NKAIN2: variants seen among roughly 807,000 people sequenced by gnomAD.
NKAIN2 encodes the protein sodium/potassium-transporting ATPase subunit beta-1-interacting protein 2.
NKAIN2 carries 14 observed loss-of-function variants against 32.6 expected under a neutral mutation model. The observed-to-expected ratio is 0.43, with a 90% CI of 0.28 to 0.67. The LOEUF is 0.67. Ranked by LOEUF, NKAIN2 falls within the 30% of genes least tolerant of loss-of-function variation. The probability of loss-of-function intolerance (pLI) is 0.17; values close to 1 mark genes in which losing one functional copy is unlikely to be tolerated. For missense variants in NKAIN2, 198 were observed against 258.3 expected (o/e 0.77, Z 1.60); for synonymous variants, 80 against 87.2 (o/e 0.92, Z 0.46).
chr6:124,595,373 C>T (rs1466639382), intron 3 of NKAIN2, among the ~76,000 whole-genome samples: 3 of 152,190 alleles, frequency 2.0e-5, no homozygotes, highest in African/African-American at 7.2e-5. Context: ...GCCATTTTCA[C>T]AGACCCTGCC....
chr6:124,621,034 C>A (rs1783087096), intron 3 of NKAIN2, among the ~76,000 whole-genome samples: 1 of 152,156 alleles, frequency 6.6e-6, no homozygotes, highest in African/African-American at 2.4e-5. Flanking sequence ...CAGTGATTCT[C>A]AGCTTTGGCT....
At chr6:124,331,345 C>CAAAAAAAAAAAAAAAAAAAAAAAAAAA (rs1162529828) in intron 2 of NKAIN2, among the ~76,000 whole-genome samples, 2 of 20,816 alleles carry the variant, frequency 9.6e-5, no homozygotes, top group African/African-American at 1.8e-4. Flanking sequence ...ACTAAATATA[C>CAAAAAAAAAAAAAAAAAAAAAAAAAAA]AAAAAAAAAA....
chr6:124,006,906 A>G (rs185490767), intron 1 of NKAIN2, among the ~76,000 whole-genome samples: 6 of 152,344 alleles, frequency 3.9e-5, no homozygotes, highest in African/African-American at 1.4e-4. Flanking sequence ...AATGCTGTGA[A>G]TGAAATAGCT....
At chr6:124,302,713 G>A (rs778491578) in intron 2 of NKAIN2, among the ~76,000 whole-genome samples, 1 of 151,824 alleles carries the variant, frequency 6.6e-6, no homozygotes, top group Non-Finnish European at 1.5e-5. Context: ...ATCTTCAAAG[G>A]GTTCACACAA....
chr6:123,950,303 A>T (rs1777266933), intron 1 of NKAIN2, among the ~76,000 whole-genome samples: 2 of 151,810 alleles, frequency 1.3e-5, no homozygotes, highest in Non-Finnish European at 2.9e-5. Context: ...TACCACAGTA[A>T]AACTGGCCTC....
At chr6:124,064,348 A>G (rs971506993) in intron 1 of NKAIN2, among the ~76,000 whole-genome samples, 2 of 152,198 alleles carry the variant, frequency 1.3e-5, no homozygotes, top group Non-Finnish European at 2.9e-5. Flanking sequence ...AAAATGTGAA[A>G]TTTTGTTTTG....
intron 1 of NKAIN2, among the ~76,000 whole-genome samples, chr6:124,225,617 A>G (rs2114713111): frequency 6.6e-6 from 1 of 152,154 alleles, no homozygotes; most frequent in South Asian, 2.1e-4. Context: ...GAGTCATAAT[A>G]TTGTGTTCAA....
intron 4 of NKAIN2, among the ~76,000 whole-genome samples, chr6:124,766,409 C>T (rs914649005): frequency 6.6e-6 from 1 of 152,280 alleles, no homozygotes; most frequent in East Asian, 1.9e-4. Context: ...CACAGACATA[C>T]CAACTTCCTC....
chr6:123,882,174 A>G (rs1773485549), intron 1 of NKAIN2, among the ~76,000 whole-genome samples: 3 of 152,090 alleles, frequency 2.0e-5, no homozygotes, highest in East Asian at 1.9e-4. Context: ...TTTTTGCACA[A>G]TAAAATATAT....
chr6:124,657,901 C>A (rs1784596926), intron 3 of NKAIN2, among the ~76,000 whole-genome samples: 2 of 151,966 alleles, frequency 1.3e-5, no homozygotes, highest in Admixed American at 1.3e-4. Flanking sequence ...TTCAGTGTTA[C>A]AATGAATATA....
chr6:124,754,456 C>T lies in NKAIN2; in HGVS notation c.475-36883C>T, dbSNP rs536274239. Among the ~76,000 whole-genome samples, 208 of 97,560 alleles carry T rather than the reference C, an allele frequency of 2.1e-3. 7 individuals are homozygous for T. In the East Asian group the frequency reaches 0.066, roughly 31 times the overall value. The allele number at this position is 97,560 out of a possible 152,430, so 64.0% of individuals were successfully genotyped here. ...TTAACCCCATAAAAAAGCAGGCAAA[C>T]GACATGAACACTTTTTTTTCCATAT... is the stretch of plus-strand genomic sequence containing the variant. On this transcript the variant is annotated intron_variant, in intron 4 of 6. Coordinates refer to ENST00000368417, the MANE Select transcript of NKAIN2 (RefSeq NM_001040214.3).
intron 5 of NKAIN2, among the ~76,000 whole-genome samples, chr6:124,810,068 A>C (rs1046313866): frequency 1.3e-5 from 2 of 152,128 alleles, no homozygotes; most frequent in African/African-American, 4.8e-5. Context: ...TGTGGAAGTC[A>C]GTGTGGCGAT....
intron 3 of NKAIN2, among the ~76,000 whole-genome samples, chr6:124,578,775 C>G (rs948721896): frequency 1.3e-5 from 2 of 152,096 alleles, no homozygotes; most frequent in Non-Finnish European, 2.9e-5. Flanking sequence ...GTGCTGGCTT[C>G]AGGTCTGACC....
chr6:124,081,648 G>T (rs1195034337), intron 1 of NKAIN2, among the ~76,000 whole-genome samples: 1 of 152,030 alleles, frequency 6.6e-6, no homozygotes, highest in African/African-American at 2.4e-5. Context: ...GAATTTTCTA[G>T]CAGAGTCATG....
At chr6:123,954,038 G>A (rs1030597291) in intron 1 of NKAIN2, among the ~76,000 whole-genome samples, 1 of 152,206 alleles carries the variant, frequency 6.6e-6, no homozygotes, top group African/African-American at 2.4e-5. Flanking sequence ...GCCTGGCAAA[G>A]GTGTCCTATG....
In NKAIN2 at chr6:124,730,104, G is replaced by T. The variant is rs1282531443; in HGVS notation, c.475-61235G>T. Among the ~76,000 whole-genome samples the T allele has an allele frequency of 5.4e-5, 5 of 92,446 alleles. 2 individuals are homozygous for T. Among genetic ancestry groups the T allele is most frequent in the African/African-American group, 2.1e-4 (5 of 23,710 alleles). The allele number at this position is 92,446 out of a possible 152,430, so 60.6% of individuals were successfully genotyped here. A position where few individuals can be genotyped will look rare whatever the true frequency, so the allele number is the denominator to read the frequency against. ...AACATTCCATGCTCATGAGCAGGAA[G>T]AATCAATATCGTGAAAATGGCCATA... On this transcript the variant is annotated intron_variant, in intron 4 of 6. Transcript: ENST00000368417.
intron 1 of NKAIN2, among the ~76,000 whole-genome samples, chr6:124,042,379 G>A (rs1426714006): frequency 2.0e-5 from 3 of 152,070 alleles, no homozygotes; most frequent in Non-Finnish European, 4.4e-5. Flanking sequence ...AAGCTCTAGA[G>A]CACATGGCAA....
chr6:124,411,754 C>A (rs1255088892), intron 3 of NKAIN2, among the ~76,000 whole-genome samples: 1 of 152,206 alleles, frequency 6.6e-6, no homozygotes, highest in Non-Finnish European at 1.5e-5. Context: ...GGAAGTTCTC[C>A]TGGATAATAT....
At chr6:123,928,029 A>C (rs773076473) in intron 1 of NKAIN2, among the ~76,000 whole-genome samples, 7 of 152,152 alleles carry the variant, frequency 4.6e-5, no homozygotes, top group Non-Finnish European at 1.0e-4. Context: ...TTCGGGGGAA[A>C]CTAGTGGTAC....
Sources: allele counts gnomAD v4.1 joint callset (sites outside exome capture counted in the v4.1 genomes callset), GRCh38; gene constraint gnomAD v4.1.1; transcripts MANE v1.5; gene names NCBI Gene and HGNC (gene_info 2026-07-23, HGNC 2026-07-21).